VPS13B: variants seen among roughly 807,000 people sequenced by gnomAD.
VPS13B encodes intermembrane lipid transfer protein VPS13B.
A neutral mutation model predicts 426.4 loss-of-function variants in VPS13B; 285 were observed. The observed-to-expected ratio is 0.67, with a 90% CI of 0.61 to 0.74. The LOEUF (loss-of-function observed/expected upper bound fraction) is 0.74, where lower values mean the gene tolerates loss of function less well. VPS13B is among the 30% of genes least tolerant of loss of function. The pLI, the probability that VPS13B is intolerant of heterozygous loss-of-function variation, is 0.00. For missense variants in VPS13B, 4,537 were observed against 4,782.6 expected (o/e 0.95, Z 1.51); for synonymous variants, 1,676 against 1,676.4 (o/e 1.00, Z 0.01).
At position 99,293,733 on chromosome 8, in the gene VPS13B, A is replaced by G. The variant is rs188849903; in HGVS notation, c.2824+18479A>G. Among the ~76,000 whole-genome samples the G allele has an allele frequency of 6.3e-3, 964 of 152,096 alleles. 8 individuals are homozygous for G. Among genetic ancestry groups the G allele is most frequent in the African/African-American group, 0.022 (904 of 41,538 alleles). ...CAACCCCATCAAAAAGCGGGTGGACATGAACAGACACTTCTCAAAAGAAGA... is the reference window on the plus strand; with the variant it reads ...CAACCCCATCAAAAAGCGGGTGGACGTGAACAGACACTTCTCAAAAGAAGA... On this transcript the variant is annotated intron_variant, in intron 19 of 61. Coordinates refer to ENST00000357162, the MANE Select transcript of VPS13B (RefSeq NM_152564.5).
chr8:99,793,254 CATATATATATATATAT>C (rs779913773), intron 43 of VPS13B, among the ~76,000 whole-genome samples: 2 of 107,032 alleles, frequency 1.9e-5, no homozygotes, highest in Non-Finnish European at 3.8e-5. Context: ...TTGCCCTCTC[CATATATATATATATAT>C]ATATATATAT....
intron 22 of VPS13B, among the ~76,000 whole-genome samples, chr8:99,432,057 A>G (rs1207866358): frequency 1.3e-5 from 2 of 152,060 alleles, no homozygotes; most frequent in African/African-American, 4.8e-5. Context: ...TTTTTTCTAC[A>G]TAATTATAAG....
At chr8:99,562,773 A>G (rs1449390845) in intron 31 of VPS13B, among the ~76,000 whole-genome samples, 4 of 152,130 alleles carry the variant, frequency 2.6e-5, no homozygotes, top group Non-Finnish European at 2.9e-5. Flanking sequence ...TTGTGCTGTC[A>G]TCATTTACTA....
intron 21 of VPS13B, among the ~76,000 whole-genome samples, chr8:99,429,245 C>T (rs920013568): frequency 1.3e-5 from 2 of 148,544 alleles, no homozygotes; most frequent in African/African-American, 2.5e-5. Context: ...CAAACCTGCA[C>T]GTTGTGCACA....
intron 54 of VPS13B, among the ~76,000 whole-genome samples, chr8:99,846,219 A>G (rs1815976735): frequency 6.6e-6 from 1 of 152,242 alleles, no homozygotes; most frequent in Admixed American, 6.5e-5. Flanking sequence ...GAACTTACAC[A>G]GAGTCCATGA....
chr8:99,351,433 A>T (rs7002010), intron 19 of VPS13B, among the ~76,000 whole-genome samples: 110,720 of 143,214 alleles, frequency 0.77, 42,911 homozygotes, highest in Non-Finnish European at 0.81. Flanking sequence ...AGAGAGAGAG[A>T]GAGTGTGTGT....
At chr8:99,812,747 A>G (rs1277482942) in intron 44 of VPS13B, among the ~76,000 whole-genome samples, 1 of 152,254 alleles carries the variant, frequency 6.6e-6, no homozygotes, top group African/African-American at 2.4e-5. Context: ...GTATGTATGT[A>G]TAATGGTGTC....
Position 99,784,205 on chromosome 8 carries a change from A to G in VPS13B, c.7780-110A>G, listed in dbSNP as rs555695735. 6.6e-5 allele frequency: 92 copies of G among 1,391,320 alleles called. No homozygotes were observed. The South Asian group carries it at 1.0e-3, about 15-fold the overall frequency. The allele number at this position is 1,391,320 out of a possible 1,614,324, so 86.2% of individuals were successfully genotyped here. A position where few individuals can be genotyped will look rare whatever the true frequency, so the allele number is the denominator to read the frequency against. ...ACTTTGTATACCAGAGCTAATGACA[A>G]CAGATCTTTTAGGGTTTCTGTGTTG... is the stretch of plus-strand genomic sequence containing the variant. On this transcript the variant is annotated intron_variant, in intron 42 of 61. Coordinates refer to ENST00000357162, the MANE Select transcript of VPS13B (RefSeq NM_152564.5).
rs1011462475 is a variant in VPS13B at position 99,125,093 on chromosome 8, C to T, written c.1206+3648C>T. 7.2e-5 allele frequency among the ~76,000 whole-genome samples: 11 copies of T among 152,094 alleles called. No individual in the cohort carries two copies. In the East Asian group the frequency reaches 1.9e-3, roughly 27 times the overall value. The stretch of plus-strand genomic sequence containing the variant: ...TAAGGAGAGTTGACTCACACGATCA[C>T]AAGGTAAAGTCCCATGATAGGCCGT... On this transcript the variant is annotated intron_variant, in intron 8 of 61. Transcript: ENST00000357162.
intron 17 of VPS13B, among the ~76,000 whole-genome samples, chr8:99,207,430 A>T (rs1448334129): frequency 6.6e-6 from 1 of 152,004 alleles, no homozygotes; most frequent in Non-Finnish European, 1.5e-5. Context: ...ATGTTTGTAA[A>T]TTTTTTTCTG....
chr8:99,026,025 A>G (rs1033159283), intron 2 of VPS13B, among the ~76,000 whole-genome samples: 1 of 151,974 alleles, frequency 6.6e-6, no homozygotes, highest in Non-Finnish European at 1.5e-5. Context: ...TCCTCATAAT[A>G]TCTTTCCTTC....
chr8:99,437,767 A>G (rs1207577388), intron 22 of VPS13B, among the ~76,000 whole-genome samples: 2 of 152,146 alleles, frequency 1.3e-5, no homozygotes, highest in Non-Finnish European at 2.9e-5. Flanking sequence ...GGGGCCTTTT[A>G]ACAATAGATT....
chr8:99,449,494 T>C (rs1289439535), intron 23 of VPS13B, among the ~76,000 whole-genome samples: 2 of 152,198 alleles, frequency 1.3e-5, no homozygotes, highest in East Asian at 3.9e-4. Flanking sequence ...TGAAAAAAGA[T>C]AGGATTATCC....
At chr8:99,716,068 T>A (rs988555858) in intron 36 of VPS13B, among the ~76,000 whole-genome samples, 2 of 152,158 alleles carry the variant, frequency 1.3e-5, no homozygotes, top group African/African-American at 4.8e-5. Flanking sequence ...AGTTTCAGTT[T>A]CACAATTTGA....
chr8:99,516,004 A>G (rs1822048812), intron 29 of VPS13B, among the ~76,000 whole-genome samples: 3 of 152,050 alleles, frequency 2.0e-5, no homozygotes, highest in Admixed American at 2.0e-4. Flanking sequence ...GTATCTGTGC[A>G]TGTATCTGTA....
At chr8:99,849,796 G>T (rs547136656) in intron 55 of VPS13B, among the ~76,000 whole-genome samples, 1 of 152,174 alleles carries the variant, frequency 6.6e-6, no homozygotes, top group Admixed American at 6.5e-5. Flanking sequence ...TGTTACAACT[G>T]CAAAAAGTAG....
intron 30 of VPS13B, among the ~76,000 whole-genome samples, chr8:99,555,506 A>G (rs554242977): frequency 1.8e-4 from 27 of 152,172 alleles, no homozygotes; most frequent in African/African-American, 6.0e-4. Flanking sequence ...TGTTATTTCA[A>G]CTTTTCTTCT....
chr8:99,792,871 A>T (rs1812620163), intron 43 of VPS13B, among the ~76,000 whole-genome samples: 1 of 151,986 alleles, frequency 6.6e-6, no homozygotes, highest in South Asian at 2.1e-4. Flanking sequence ...GTGCTGTTTT[A>T]AGCTGCTAAA....
chr8:99,063,932 G>A (rs1021860993), intron 3 of VPS13B, among the ~76,000 whole-genome samples: 2 of 152,176 alleles, frequency 1.3e-5, no homozygotes, highest in African/African-American at 2.4e-5. Flanking sequence ...GCAGCCCTTC[G>A]CTGGTGATAC....
Sources: gnomAD v4.1 joint callset for allele counts (sites outside exome capture counted in the v4.1 genomes callset) on GRCh38, gnomAD v4.1.1 for gene constraint, MANE v1.5 for transcripts, NCBI Gene and HGNC (gene_info 2026-07-23, HGNC 2026-07-21) for gene names.